Variants in MANSC1 observed in about 807,000 individuals in gnomAD.
MANSC1 encodes MANSC domain-containing protein 1.
A neutral mutation model predicts 14.1 loss-of-function variants in MANSC1; 13 were observed. That is an observed-to-expected ratio of 0.92 (90% CI 0.60 to 1.46). The LOEUF is 1.46. MANSC1 is among the 40% of genes most tolerant of loss of function. The pLI, the probability that MANSC1 is intolerant of heterozygous loss-of-function variation, is 0.00. For missense variants in MANSC1, 486 were observed against 511.4 expected, an observed-to-expected ratio of 0.95 and a Z score of 0.48; for synonymous variants, 227 against 200.7, an observed-to-expected ratio of 1.13 and a Z score of -1.11.
rs1371246177 is a variant in MANSC1, at chr12:12,330,434, T to C, written c.889A>G (p.Met297Val). 3.1e-6 allele frequency: 5 copies of C among 1,614,218 alleles called. No homozygotes were observed. The highest frequency in any genetic ancestry group is 1.6e-4 in the Middle Eastern group (1 of 6,062). The change falls in exon 4 of 4, where the codon ATG becomes GTG. Residue 297 changes from methionine (M) to valine (V), a missense_variant. Transcript: ENST00000535902. ...GTAGTCAGAACTGCTGTTGTAGCCA[T>C]TGCTTGGAGTGTAGCCGCAGCCCGT... ...FTRAAATLQA[M>V]ATTAVLTTTF...
rs184523096 is a variant in MANSC1, at chr12:12,342,644, C to T, written c.223+448G>A. Among the ~76,000 whole-genome samples, 812 of 128,726 alleles carry T rather than the reference C, an allele frequency of 6.3e-3. 5 individuals carry two copies. The highest frequency in any genetic ancestry group is 0.011 in the Non-Finnish European group (688 of 64,300). The allele number at this position is 128,726 out of a possible 152,430, so 84.4% of individuals were successfully genotyped here. On this transcript the variant is annotated intron_variant, in intron 2 of 3. Transcript: ENST00000535902. ...ATGCCACCAGCTCCAAGGAAGGAGA[C>T]GAAGTGGAGGTTTTATGCTTCCAAC...
rs546266088 is a variant in MANSC1, at chr12:12,341,237, G to A, written c.223+1855C>T. Among the ~76,000 whole-genome samples the A allele has an allele frequency of 1.9e-3, 287 of 152,224 alleles. 1 individual carries two copies. The highest frequency in any genetic ancestry group is 6.8e-3 in the Middle Eastern group (2 of 294). On this transcript the variant is annotated intron_variant, in intron 2 of 3. Coordinates refer to ENST00000535902, the MANE Select transcript of MANSC1 (RefSeq NM_018050.4). ...TGCAAGAACAACTAATAGAACTAAG[G>A]AAAATGCTGTATTTACTATTACAGT...
chr12:12,338,864 A>C, intron 2 of MANSC1: 1 of 360,994 alleles, frequency 2.8e-6, no homozygotes. Context: ...GCAGGGCTGA[A>C]AGGCATCCAC....
At position 12,330,785 on chromosome 12, in the gene MANSC1, C is replaced by G. The variant is rs758949467; in HGVS notation, c.538G>C (p.Asp180His). 1.4e-5 allele frequency: 23 copies of G among 1,614,014 alleles called. No homozygotes were observed. The highest frequency in any genetic ancestry group is 1.8e-5 in the Non-Finnish European group (21 of 1,180,042). ...DTLSQKFGSS[D>H]HLEKLFKMDE... ...ATCTTAAATAGTTTCTCCAAGTGAT[C>G]TGAGGATCCAAACTTCTGAGAAAGT... The change falls in exon 4 of 4, where the codon GAT becomes CAT. Residue 180 changes from aspartate (D) to histidine (H), a missense_variant. Physicochemically the swap from Asp to His is moderately conservative, Grantham distance 81. Coordinates refer to ENST00000535902, the MANE Select transcript of MANSC1 (RefSeq NM_018050.4).
At position 12,330,872 on chromosome 12, in the gene MANSC1, T is replaced by G. The variant is rs779720655; in HGVS notation, c.451A>C (p.Thr151Pro). 1 of 1,613,536 alleles carries G rather than the reference T, an allele frequency of 6.2e-7. No homozygotes were observed. Among genetic ancestry groups the G allele is most frequent in the South Asian group, 1.1e-5 (1 of 90,992 alleles). The change falls in exon 4 of 4, where the codon ACT becomes CCT. Residue 151 changes from threonine to proline, a missense_variant. Coordinates refer to ENST00000535902, the MANE Select transcript of MANSC1 (RefSeq NM_018050.4). ...TCTGTGTGATGATGGGCTAGGGGAG[T>G]GACTGCTTGTGAAAATTGGCCATGT... Reference protein sequence around the residue: ...LLHGQFSQAVTPLAHHHTDYS... With the variant: ...LLHGQFSQAVPPLAHHHTDYS...
At chr12:12,338,299 T>C in intron 3 of MANSC1, 121 bp downstream of exon 3, 6 of 808,114 alleles carry the variant, frequency 7.4e-6, no homozygotes, top group Non-Finnish European at 1.1e-5. Flanking sequence ...AGTCATGAGA[T>C]TTTCTGATAT....
At chr12:12,341,748 T>C (rs1255181885) in intron 2 of MANSC1, among the ~76,000 whole-genome samples, 1 of 152,236 alleles carries the variant, frequency 6.6e-6, no homozygotes, top group African/African-American at 2.4e-5. Flanking sequence ...GCCAGCACTT[T>C]GGGAGGCCAA....
intron 2 of MANSC1, chr12:12,339,323 G>C (rs1565800766): frequency 6.6e-6 from 1 of 152,152 alleles, no homozygotes; most frequent in Non-Finnish European, 1.5e-5. Flanking sequence ...TGCAAATGCA[G>C]TGGCATGATT....
Position 12,338,469 on chromosome 12 carries a change from G to C in MANSC1, c.315C>G (p.Ala105=), listed in dbSNP as rs1162135913. The stretch of plus-strand genomic sequence containing the variant: ...GTCCTTTTGCTGGTTTCAATGGACA[G>C]GCTTCCTCGTTGGGACAGAAAAATA... ...CYLFFCPNEE[A]CPLKPAKGLM... is the part of the protein sequence containing the mutation. The change falls in exon 3 of 4, where the codon GCC becomes GCG. Residue 105 remains alanine, a synonymous_variant. Transcript: ENST00000535902. 3.7e-6 allele frequency: 6 copies of C among 1,612,840 alleles called. No homozygotes were observed. The South Asian group carries it at 6.6e-5, about 18-fold the overall frequency.
rs566336098 is a variant in MANSC1 at position 12,330,815 on chromosome 12, C to T, written c.508G>A (p.Asp170Asn). Residue 170 changes from aspartate (D) to asparagine (N), a missense_variant, in exon 4 of 4, where the codon GAC becomes AAC. Asp to Asn is a conservative substitution (Grantham distance 23). Coordinates refer to ENST00000535902, the MANE Select transcript of MANSC1 (RefSeq NM_018050.4). ...GATCCAAACTTCTGAGAAAGTGTGT[C>T]TCTCCATGAGATATCGGTGGGCTTT... ...YSKPTDISWR[D>N]TLSQKFGSSD... The T allele has an allele frequency of 6.2e-7, 1 of 1,614,134 alleles. No individual in the cohort carries two copies. The highest frequency in any genetic ancestry group is 1.1e-5 in the South Asian group (1 of 91,076).
At chr12:12,342,952 G>T in intron 2 of MANSC1, 140 bp downstream of exon 2, 1 of 641,624 alleles carries the variant, frequency 1.6e-6, no homozygotes, top group Non-Finnish European at 2.7e-6. Context: ...GGGCACACTT[G>T]TAGAAAATTC....
intron 3 of MANSC1, among the ~76,000 whole-genome samples, chr12:12,333,044 A>AATATATATATATATATAT (rs147386841): frequency 1.0e-4 from 15 of 148,454 alleles, no homozygotes; most frequent in South Asian, 8.5e-4. Flanking sequence ...TATATTTGAA[A>AATATATATATATATATAT]ATATATATAT....
rs1862889810 is a variant in MANSC1 at position 12,338,545 on chromosome 12, T to C, written c.239A>G (p.Asn80Ser). 1 of 1,612,986 alleles carries C rather than the reference T, an allele frequency of 6.2e-7. No homozygotes were observed. The highest frequency in any genetic ancestry group is 1.3e-5 in the African/African-American group (1 of 74,984). The change falls in exon 3 of 4, where the codon AAC becomes AGC. Residue 80 changes from asparagine to serine, a missense_variant. Physicochemically the swap from Asn to Ser is conservative, Grantham distance 46. Coordinates refer to ENST00000535902, the MANE Select transcript of MANSC1 (RefSeq NM_018050.4). ...TKNISGDKAC[N>S]LMIFDTRKTA... ...TTTTCGAGTGTCGAAGATCATCAAG[T>C]TACATGCTTTGTCCCCTGCAATGAA...
intron 3 of MANSC1, among the ~76,000 whole-genome samples, chr12:12,337,008 C>T (rs942440974): frequency 6.6e-5 from 10 of 152,116 alleles, no homozygotes; most frequent in Non-Finnish European, 8.8e-5. Context: ...TAGTGGCTCA[C>T]GCCTGTAATC....
chr12:12,330,389 C>A lies in MANSC1; in HGVS notation c.934G>T (p.Asp312Tyr), dbSNP rs558339880. ...VLTTTFQAPT[D>Y]SKGSLETIPF... ...ATGGTTTCTAAGCTGCCTTTCGAGT[C>A]CGTAGGTGCCTGAAAGGTGGTAGTC... Residue 312 changes from aspartate to tyrosine, a missense_variant, in exon 4 of 4, where the codon GAC (aspartate) becomes TAC (tyrosine). By Grantham distance (160) the Asp-to-Tyr change is radical. Transcript: ENST00000535902. 47 of 1,614,190 alleles carry A rather than the reference C, an allele frequency of 2.9e-5. No homozygotes were observed. In the East Asian group the frequency reaches 1.0e-3, roughly 34 times the overall value.
chr12:12,339,543 C>T (rs1015303955), intron 2 of MANSC1, among the ~76,000 whole-genome samples: 4 of 152,124 alleles, frequency 2.6e-5, no homozygotes, highest in African/African-American at 9.7e-5. Flanking sequence ...GCTGGGATTA[C>T]AGGTGTAAGC....
intron 2 of MANSC1, 99 bp downstream of exon 2, chr12:12,342,993 C>T (rs1465125737): frequency 1.2e-6 from 1 of 824,016 alleles, no homozygotes; most frequent in Admixed American, 2.0e-5. Context: ...TATTCATACC[C>T]TGTCGAGAAT....
At chr12:12,341,362 C>T (rs1565802183) in intron 2 of MANSC1, among the ~76,000 whole-genome samples, 4 of 152,166 alleles carry the variant, frequency 2.6e-5, no homozygotes, top group African/African-American at 9.7e-5. Context: ...ATTCTCTTGA[C>T]ACTGGGATGT....
intron 3 of MANSC1, among the ~76,000 whole-genome samples, chr12:12,334,787 T>A (rs1340270014): frequency 2.0e-5 from 3 of 152,204 alleles, no homozygotes; most frequent in African/African-American, 7.2e-5. Flanking sequence ...ATTTCTATCA[T>A]CGTATCCTAA....
Sources: gnomAD v4.1 joint callset for allele counts (sites outside exome capture counted in the v4.1 genomes callset) on GRCh38, gnomAD v4.1.1 for gene constraint, MANE v1.5 for transcripts, NCBI Gene and HGNC (gene_info 2026-07-23, HGNC 2026-07-21) for gene names.